Variants in ABLIM2 observed in about 807,000 individuals in gnomAD.
ABLIM2 encodes the protein actin binding LIM protein family member 2, also known as actin-binding LIM protein 2.
ABLIM2 carries 53 observed loss-of-function variants against 97.7 expected under a neutral mutation model. The ratio of observed to expected loss-of-function variants is 0.54; its 90% CI spans 0.44 to 0.68. The LOEUF (loss-of-function observed/expected upper bound fraction) is 0.68. Ranked by LOEUF, ABLIM2 falls within the 30% of genes least tolerant of loss-of-function variation. The probability of loss-of-function intolerance (pLI) is 0.00; values close to 1 mark genes in which losing one functional copy is unlikely to be tolerated. For synonymous variants in ABLIM2, 361 were observed against 345.8 expected, an observed-to-expected ratio of 1.04 and a Z score of -0.49; for missense variants, 835 against 867.2, an observed-to-expected ratio of 0.96 and a Z score of 0.47.
At chr4:8,073,009 T>C (rs1390788361) in intron 6 of ABLIM2, among the ~76,000 whole-genome samples, 1 of 151,792 alleles carries the variant, frequency 6.6e-6, no homozygotes, top group Non-Finnish European at 1.5e-5. Flanking sequence ...GTGGGGCCGG[T>C]GCGAAGGGAG....
chr4:8,058,013 G>T lies in ABLIM2; in HGVS notation c.763+2954C>A, dbSNP rs1292312766. 6.6e-6 allele frequency among the ~76,000 whole-genome samples: 1 copy of T among 152,216 alleles called. No individual in the cohort carries two copies. Among genetic ancestry groups the T allele is most frequent in the Non-Finnish European group, 1.5e-5 (1 of 68,034 alleles). On this transcript the variant is annotated intron_variant, in intron 7 of 20. Transcript: ENST00000447017. The surrounding 1 kb of genome is among the most constrained non-coding windows in gnomAD (Gnocchi z 4.2). The stretch of plus-strand genomic sequence containing the variant: ...AAATCCAAGTTAGGAGAGGGGACAG[G>T]CCTGGGTTCGACATCCCACAGAACC...
Position 7,985,829 on chromosome 4 carries a change from C to T in ABLIM2, c.1681-936G>A, listed in dbSNP as rs918948800. Among the ~76,000 whole-genome samples the T allele has an allele frequency of 3.9e-5, 6 of 152,358 alleles. No individual in the cohort carries two copies. In the South Asian group the frequency reaches 6.2e-4, roughly 16 times the overall value. Reference sequence around the variant, plus strand: ...GCATTGAGACCATTAGTGTCTGGAACGCTTTCCCTTCTGTCCACCTGGAAG... The same window carrying T: ...GCATTGAGACCATTAGTGTCTGGAATGCTTTCCCTTCTGTCCACCTGGAAG... On this transcript the variant is annotated intron_variant, in intron 17 of 20. Coordinates refer to ENST00000447017, the MANE Select transcript of ABLIM2 (RefSeq NM_001130083.2).
intron 7 of ABLIM2, among the ~76,000 whole-genome samples, chr4:8,055,656 T>C (rs914260674): frequency 2.6e-5 from 4 of 152,184 alleles, no homozygotes; most frequent in Admixed American, 6.5e-5. Flanking sequence ...ACTTATCCCA[T>C]CTCCTGCCTG....
In ABLIM2 at chr4:8,155,104, G is replaced by T. The variant is rs1342204643; in HGVS notation, c.10+3576C>A. Among the ~76,000 whole-genome samples, 1 of 152,198 alleles carries T rather than the reference G, an allele frequency of 6.6e-6. No individual in the cohort carries two copies. Among genetic ancestry groups the T allele is most frequent in the Admixed American group, 6.5e-5 (1 of 15,278 alleles). Reference sequence around the variant, plus strand: ...TTATTACAACTCAAGGTAAGATGTGGGTGGGGACACAGCCAGACCGTATCA... The same window carrying T: ...TTATTACAACTCAAGGTAAGATGTGTGTGGGGACACAGCCAGACCGTATCA... On this transcript the variant is annotated intron_variant, in intron 1 of 20. Transcript: ENST00000447017. This position sits in a 1 kb window ranked among gnomAD's most constrained non-coding sequence, Gnocchi z 4.2.
In ABLIM2 at chr4:8,054,971, G is replaced by A. The variant is rs1484068553; in HGVS notation, c.764-725C>T. 6.6e-6 allele frequency among the ~76,000 whole-genome samples: 1 copy of A among 151,826 alleles called. No individual in the cohort carries two copies. The highest frequency in any genetic ancestry group is 1.5e-5 in the Non-Finnish European group (1 of 67,982). On this transcript the variant is annotated intron_variant, in intron 7 of 20. Coordinates refer to ENST00000447017, the MANE Select transcript of ABLIM2 (RefSeq NM_001130083.2). The surrounding 1 kb of genome is among the most constrained non-coding windows in gnomAD (Gnocchi z 4.9). The stretch of plus-strand genomic sequence containing the variant: ...ACCATCAACATAACAAGGCCACCCG[G>A]CACCAAGTGCCCCCAGCATCCCTGG...
intron 3 of ABLIM2, among the ~76,000 whole-genome samples, chr4:8,093,874 A>G (rs980193267): frequency 3.3e-5 from 5 of 152,152 alleles, no homozygotes; most frequent in Admixed American, 6.5e-5. Context: ...AAATACTTGG[A>G]TTCATTTGTT....
chr4:8,027,290 C>T (rs542099435), intron 12 of ABLIM2, among the ~76,000 whole-genome samples: 14 of 152,174 alleles, frequency 9.2e-5, no homozygotes, highest in Non-Finnish European at 1.8e-4. Context: ...CTGGAAGAGC[C>T]GAGAGTTGGA....
chr4:8,113,531 G>A lies in ABLIM2; in HGVS notation c.11-6894C>T, dbSNP rs1841344152. On this transcript the variant is annotated intron_variant, in intron 1 of 20. Coordinates refer to ENST00000447017, the MANE Select transcript of ABLIM2 (RefSeq NM_001130083.2). The surrounding 1 kb of genome is among the most constrained non-coding windows in gnomAD (Gnocchi z 4.5). Reference sequence around the variant, plus strand: ...TGGCCAAAGACCAGCAGCTGTGCTCGCCTTGTTCTCTTGCTTTCCTCATTT... The same window carrying A: ...TGGCCAAAGACCAGCAGCTGTGCTCACCTTGTTCTCTTGCTTTCCTCATTT... 6.6e-6 allele frequency among the ~76,000 whole-genome samples: 1 copy of A among 152,310 alleles called. No individual in the cohort carries two copies. The highest frequency in any genetic ancestry group is 2.1e-4 in the South Asian group (1 of 4,824).
rs1365208053 is a variant in ABLIM2, at chr4:8,001,010, C to T, written c.1618+7049G>A. On this transcript the variant is annotated intron_variant, in intron 16 of 20. Coordinates refer to ENST00000447017, the MANE Select transcript of ABLIM2 (RefSeq NM_001130083.2). The surrounding 1 kb of genome is among the most constrained non-coding windows in gnomAD (Gnocchi z 4.2). ...CTTTGTGGGCACCTGACCCGTGAGC[C>T]ACTCGCTTGGGCAGTTCCCATCCGC... Among the ~76,000 whole-genome samples, 2 of 152,232 alleles carry T rather than the reference C, an allele frequency of 1.3e-5. No homozygotes were observed. Among genetic ancestry groups the T allele is most frequent in the African/African-American group, 4.8e-5 (2 of 41,468 alleles).
chr4:8,086,546 C>T (rs6825102), intron 4 of ABLIM2, among the ~76,000 whole-genome samples: 4,862 of 152,128 alleles, frequency 0.032, 229 homozygotes, highest in African/African-American at 0.1. Flanking sequence ...CAGGGCCTCA[C>T]CATGTCCAGG....
At chr4:8,092,501 T>C (rs890088687) in intron 3 of ABLIM2, among the ~76,000 whole-genome samples, 1 of 152,162 alleles carries the variant, frequency 6.6e-6, no homozygotes, top group Non-Finnish European at 1.5e-5. Flanking sequence ...AAAATGTAGA[T>C]TTACAGAGGG....
intron 8 of ABLIM2, among the ~76,000 whole-genome samples, chr4:8,050,847 G>T (rs1009889351): frequency 6.6e-6 from 1 of 152,220 alleles, no homozygotes; most frequent in Non-Finnish European, 1.5e-5. Context: ...CTCAGCCTGC[G>T]CCGCCTCCTC....
rs193177175 is a variant in ABLIM2, at chr4:8,128,025, G to C, written c.11-21388C>G. Among the ~76,000 whole-genome samples, 1 of 152,182 alleles carries C rather than the reference G, an allele frequency of 6.6e-6. No individual in the cohort carries two copies. Among genetic ancestry groups the C allele is most frequent in the African/African-American group, 2.4e-5 (1 of 41,456 alleles). On this transcript the variant is annotated intron_variant, in intron 1 of 20. Transcript: ENST00000447017. The surrounding 1 kb of genome is among the most constrained non-coding windows in gnomAD (Gnocchi z 4.9). ...GATACGGATTCTCTCGCAGTTCTGG[G>C]GGCCAGAAGTCTGACATGAAGGTGC...
intron 6 of ABLIM2, among the ~76,000 whole-genome samples, chr4:8,065,880 C>T (rs183481390): frequency 8.6e-4 from 129 of 149,484 alleles, no homozygotes; most frequent in East Asian, 3.2e-3. Flanking sequence ...GCTGAGATCG[C>T]GCCACTGTAC....
rs1214502324 is a variant in ABLIM2 at position 8,069,945 on chromosome 4, T to C, written c.675+7683A>G. On this transcript the variant is annotated intron_variant, in intron 6 of 20. Coordinates refer to ENST00000447017, the MANE Select transcript of ABLIM2 (RefSeq NM_001130083.2). This position sits in a 1 kb window ranked among gnomAD's most constrained non-coding sequence, Gnocchi z 4.2. The stretch of plus-strand genomic sequence containing the variant: ...CTTTCTGTGTGTTTATTTCCATGTG[T>C]GTTGTTTGTGTGCCTAAGCGTGCTG... 1.3e-5 allele frequency among the ~76,000 whole-genome samples: 2 copies of C among 152,136 alleles called. No individual in the cohort carries two copies. Among genetic ancestry groups the C allele is most frequent in the African/African-American group, 4.8e-5 (2 of 41,424 alleles).
intron 10 of ABLIM2, among the ~76,000 whole-genome samples, chr4:8,031,014 G>A (rs1208622885): frequency 6.6e-6 from 1 of 152,234 alleles, no homozygotes; most frequent in Non-Finnish European, 1.5e-5. Flanking sequence ...AAGCGGAGAA[G>A]CCACGGAAGG....
Position 8,001,898 on chromosome 4 carries a change from G to T in ABLIM2, c.1618+6161C>A, listed in dbSNP as rs1395228516. Among the ~76,000 whole-genome samples, 4 of 152,112 alleles carry T rather than the reference G, an allele frequency of 2.6e-5. No homozygotes were observed. The highest frequency in any genetic ancestry group is 6.5e-5 in the Admixed American group (1 of 15,280). ...GCCCCCCGATGGCACCTTCCCACCT[G>T]CCCGCTTGTCAGCACACACATGTGC... On this transcript the variant is annotated intron_variant, in intron 16 of 20. Coordinates refer to ENST00000447017, the MANE Select transcript of ABLIM2 (RefSeq NM_001130083.2). This position sits in a 1 kb window ranked among gnomAD's most constrained non-coding sequence, Gnocchi z 4.2.
chr4:8,142,598 G>T (rs1392411185), intron 1 of ABLIM2, among the ~76,000 whole-genome samples: 1 of 152,208 alleles, frequency 6.6e-6, no homozygotes, highest in Non-Finnish European at 1.5e-5. Context: ...GTGCTGCATG[G>T]GCTCACTGGG....
intron 7 of ABLIM2, among the ~76,000 whole-genome samples, chr4:8,056,978 A>G (rs796912258): frequency 4.6e-4 from 69 of 149,752 alleles, no homozygotes; most frequent in African/African-American, 1.6e-3. Flanking sequence ...TTTCCCAGTT[A>G]ATTAAATTAA....
Sources: allele counts gnomAD v4.1 joint callset (sites outside exome capture counted in the v4.1 genomes callset), GRCh38; gene constraint gnomAD v4.1.1; non-coding constraint Gnocchi (gnomAD v3.1); transcripts MANE v1.5; gene names NCBI Gene and HGNC (gene_info 2026-07-23, HGNC 2026-07-21).